The following ARPP21 variants were observed in gnomAD, a reference collection of about 807,000 sequenced individuals.
The protein encoded by ARPP21 is cAMP regulated phosphoprotein 21.
ARPP21 carries 69 observed loss-of-function variants against 113.2 expected under a neutral mutation model. The observed-to-expected ratio is 0.61, with a 90% CI of 0.50 to 0.74. The LOEUF (loss-of-function observed/expected upper bound fraction) is 0.74, where lower values mean the gene tolerates loss of function less well. Ranked by LOEUF, ARPP21 falls within the 30% of genes least tolerant of loss-of-function variation. The probability of loss-of-function intolerance (pLI) is 0.00; values close to 1 mark genes in which losing one functional copy is unlikely to be tolerated. For synonymous variants in ARPP21, 368 were observed against 375.5 expected (o/e 0.98, Z 0.23); for missense variants, 1,070 against 1,037.4 (o/e 1.03, Z -0.43).
intron 9 of ARPP21, among the ~76,000 whole-genome samples, chr3:35,694,190 A>C (rs2083110343): frequency 6.6e-6 from 1 of 151,584 alleles, no homozygotes; most frequent in Non-Finnish European, 1.5e-5. Flanking sequence ...GAGAAGAAAG[A>C]ATTTCACATA....
intron 1 of ARPP21, among the ~76,000 whole-genome samples, chr3:35,675,766 G>A (rs2077326371): frequency 6.6e-6 from 1 of 151,246 alleles, no homozygotes; most frequent in African/African-American, 2.4e-5. Flanking sequence ...TAGATAAATA[G>A]CAATGTATGT....
At chr3:35,672,765 G>C (rs1206895682) in intron 1 of ARPP21, among the ~76,000 whole-genome samples, 97 of 151,948 alleles carry the variant, frequency 6.4e-4, no homozygotes, top group Non-Finnish European at 7.4e-5. Flanking sequence ...TGAGACCTGG[G>C]GAATCCAGTG....
At chr3:35,681,992 A>C in intron 3 of ARPP21, 112 bp downstream of exon 3, 17 of 1,234,382 alleles carry the variant, frequency 1.4e-5, no homozygotes, top group Non-Finnish European at 1.7e-5. Context: ...TGGTTATATC[A>C]TTAGGAAATG....
intron 1 of ARPP21, among the ~76,000 whole-genome samples, chr3:35,667,948 AAAGAAG>A (rs4025938): frequency 0.098 from 5,672 of 57,960 alleles, 398 homozygotes; most frequent in Non-Finnish European, 0.11. Flanking sequence ...GAGAAGAAGA[AAAGAAG>A]AAGAAGAAGA....
chr3:35,792,198 T>C (rs1278457510), intron 19 of ARPP21, 184 bp from the exon 20 acceptor site: 2 of 617,788 alleles, frequency 3.2e-6, no homozygotes, highest in Non-Finnish European at 5.8e-6. Context: ...AGCCATAATC[T>C]TGTTCACTCT....
chr3:35,669,313 A>G (rs2075738482), intron 1 of ARPP21, among the ~76,000 whole-genome samples: 1 of 152,180 alleles, frequency 6.6e-6, no homozygotes, highest in South Asian at 2.1e-4. Context: ...TACAAATGCA[A>G]CTACTGGCTT....
intron 1 of ARPP21, among the ~76,000 whole-genome samples, chr3:35,665,496 A>C (rs949791819): frequency 6.6e-6 from 1 of 152,200 alleles, no homozygotes; most frequent in Non-Finnish European, 1.5e-5. Flanking sequence ...ACACACATAC[A>C]TCCATGTATC....
chr3:35,687,971 C>A, intron 6 of ARPP21, 88 bp downstream of exon 6: 2 of 1,239,378 alleles, frequency 1.6e-6, no homozygotes, highest in Non-Finnish European at 2.2e-6. Flanking sequence ...GCATATTCAC[C>A]TCCCACCAAA....
intron 9 of ARPP21, among the ~76,000 whole-genome samples, chr3:35,700,538 T>C (rs1478601429): frequency 6.6e-6 from 1 of 151,566 alleles, no homozygotes; most frequent in Non-Finnish European, 1.5e-5. Context: ...ACACCAATAC[T>C]TTATCCCTGA....
At chr3:35,689,778 T>A (rs1224532832) in intron 7 of ARPP21, among the ~76,000 whole-genome samples, 1 of 151,680 alleles carries the variant, frequency 6.6e-6, no homozygotes, top group East Asian at 1.9e-4. Context: ...TGAAATATAC[T>A]ATTTATTTGA....
At chr3:35,731,666 A>G (rs1377814326) in intron 15 of ARPP21, among the ~76,000 whole-genome samples, 1 of 151,080 alleles carries the variant, frequency 6.6e-6, no homozygotes, top group African/African-American at 2.5e-5. Context: ...TATGTGTGTG[A>G]TGTACGTGTA....
At chr3:35,750,014 A>T (rs1449191318) in intron 19 of ARPP21, among the ~76,000 whole-genome samples, 2 of 150,390 alleles carry the variant, frequency 1.3e-5, no homozygotes, top group Admixed American at 1.3e-4. Context: ...GCTCTGTTTC[A>T]TTGATTTTTC....
intron 8 of ARPP21, 43 bp from the exon 9 acceptor site, chr3:35,690,822 A>G: frequency 6.4e-7 from 1 of 1,568,746 alleles, no homozygotes; most frequent in Non-Finnish European, 8.6e-7. Flanking sequence ...TATGGGCAAA[A>G]AATGAAAATG....
intron 13 of ARPP21, 59 bp downstream of exon 13, chr3:35,717,416 G>C: frequency 9.8e-7 from 1 of 1,017,420 alleles, no homozygotes; most frequent in South Asian, 1.3e-5. Flanking sequence ...TAGAATCAAT[G>C]TTAAATATTA....
chr3:35,793,676 G>A (rs1230617198), intron 20 of ARPP21, 25 bp from the exon 21 acceptor site: 3 of 1,590,498 alleles, frequency 1.9e-6, no homozygotes, highest in South Asian at 2.2e-5. Context: ...CTTCATACAG[G>A]GTTCTTGCTT....
intron 13 of ARPP21, among the ~76,000 whole-genome samples, chr3:35,717,868 A>G (rs374738320): frequency 6.6e-6 from 1 of 152,090 alleles, no homozygotes; most frequent in Non-Finnish European, 1.5e-5. Flanking sequence ...TCTGTGTAGG[A>G]TAAGGGGATA....
At chr3:35,748,330 AAG>A (rs2095260039) in intron 19 of ARPP21, among the ~76,000 whole-genome samples, 2 of 151,000 alleles carry the variant, frequency 1.3e-5, no homozygotes, top group African/African-American at 4.8e-5. Flanking sequence ...AAAAGAAAGA[AAG>A]AAAGAAAAGA....
At chr3:35,645,988 T>G (rs747613599) in intron 1 of ARPP21, among the ~76,000 whole-genome samples, 10 of 152,032 alleles carry the variant, frequency 6.6e-5, no homozygotes, top group Non-Finnish European at 1.3e-4. Flanking sequence ...CTAAAAGTTT[T>G]ATGGTCCTAT....
intron 1 of ARPP21, among the ~76,000 whole-genome samples, chr3:35,649,865 C>CGATCTAT (rs1701721032): frequency 6.6e-6 from 1 of 152,024 alleles, no homozygotes; most frequent in South Asian, 2.1e-4. Flanking sequence ...ACGTTTTACC[C>CGATCTAT]GATCTATAAA....
Sources: allele counts gnomAD v4.1 joint callset (sites outside exome capture counted in the v4.1 genomes callset), GRCh38; gene constraint gnomAD v4.1.1; transcripts MANE v1.5; gene names NCBI Gene and HGNC (gene_info 2026-07-23, HGNC 2026-07-21).